The following FYTTD1 variants were observed in gnomAD, a reference collection of about 807,000 sequenced individuals.
FYTTD1 encodes the protein forty-two-three domain containing 1, also known as UAP56-interacting factor.
In FYTTD1, 22 loss-of-function variants were observed where a neutral mutation model predicts 40.9. That is an observed-to-expected ratio of 0.54 (90% CI 0.38 to 0.77). The LOEUF (loss-of-function observed/expected upper bound fraction) is 0.77. FYTTD1 is among the 30% of genes least tolerant of loss of function. FYTTD1 has a pLI of 0.00. For synonymous variants in FYTTD1, 140 were observed against 137.9 expected (o/e 1.01, Z -0.10); for missense variants, 351 against 392.2 (o/e 0.90, Z 0.89).
chr3:197,750,355 G>C, intron 1 of FYTTD1: 1 of 1,130,966 alleles, frequency 8.8e-7, no homozygotes. Flanking sequence ...AGGTTCGCAG[G>C]GTCGCGGGGG....
At chr3:197,776,115 G>A (rs1729865749) in intron 6 of FYTTD1, among the ~76,000 whole-genome samples, 1 of 152,048 alleles carries the variant, frequency 6.6e-6, no homozygotes, top group South Asian at 2.1e-4. Context: ...ACAAAGGCCT[G>A]GAAATAGTGA....
intron 3 of FYTTD1, among the ~76,000 whole-genome samples, chr3:197,769,828 G>T (rs1233083232): frequency 1.3e-5 from 2 of 151,844 alleles, no homozygotes; most frequent in African/African-American, 2.4e-5. Flanking sequence ...ATCACCTGTG[G>T]GTCCCCTGAG....
chr3:197,761,601 T>G (rs139022820), intron 2 of FYTTD1, among the ~76,000 whole-genome samples: 2,229 of 151,540 alleles, frequency 0.015, 48 homozygotes, highest in East Asian at 0.058. Flanking sequence ...TTCTTCAGTG[T>G]TAGAATGTAT....
At chr3:197,760,480 A>AGTTCTTCAGGGGTAGAATGTATAGAGTT (rs1378699588) in intron 2 of FYTTD1, among the ~76,000 whole-genome samples, 23 of 146,538 alleles carry the variant, frequency 1.6e-4, no homozygotes, top group African/African-American at 5.1e-4. Context: ...GAATGTATAG[A>AGTTCTTCAGGGGTAGAATGTATAGAGTT]GTTCTTCAGG....
chr3:197,763,624 A>C (rs547542688), intron 2 of FYTTD1: 1 of 373,912 alleles, frequency 2.7e-6, no homozygotes, highest in Non-Finnish European at 5.2e-6. Context: ...AAAAAAAAAG[A>C]AAGAGTATAA....
At chr3:197,780,041 C>CCACCACACCTGGGGATGCAGGCACACA (rs1729985980) in intron 8 of FYTTD1, among the ~76,000 whole-genome samples, 1 of 142,576 alleles carries the variant, frequency 7.0e-6, no homozygotes, top group Non-Finnish European at 1.5e-5. Context: ...CAGGCACACA[C>CCACCACACCTGGGGATGCAGGCACACA]CACCACACCT....
chr3:197,750,375 C>T (rs1433928602), intron 1 of FYTTD1: 5 of 1,108,124 alleles, frequency 4.5e-6, no homozygotes, highest in East Asian at 1.0e-4. Flanking sequence ...GGCGTCTCTT[C>T]TCCCCGGAGG....
intron 1 of FYTTD1, chr3:197,750,635 C>T (rs1580438667): frequency 2.0e-6 from 2 of 985,184 alleles, no homozygotes; most frequent in Non-Finnish European, 2.4e-6. Flanking sequence ...TCGGGGCCAC[C>T]TCCGGCCGCG....
chr3:197,755,239 A>G (rs1447933189), intron 1 of FYTTD1, among the ~76,000 whole-genome samples: 1 of 152,108 alleles, frequency 6.6e-6, no homozygotes, highest in East Asian at 1.9e-4. Flanking sequence ...TGTATTTGCT[A>G]TTTGCATGTC....
chr3:197,754,967 T>C (rs544212143), intron 1 of FYTTD1, among the ~76,000 whole-genome samples: 2 of 152,242 alleles, frequency 1.3e-5, no homozygotes, highest in Non-Finnish European at 2.9e-5. Context: ...GGATATTTCT[T>C]AAATGAGTAT....
rs1159003832 is a variant in FYTTD1 at position 197,764,684 on chromosome 3, G to A, written c.236-3755G>A. ...AGATCGCGCCGCTACACTCCAGCCC[G>A]GGTGACAGAGCGAGAGTCCGTCCCA... On this transcript the variant is annotated intron_variant, in intron 2 of 8. Transcript: ENST00000241502. Among the ~76,000 whole-genome samples, 6 of 141,278 alleles carry A rather than the reference G, an allele frequency of 4.2e-5. No homozygotes were observed. In the East Asian group the frequency reaches 1.3e-3, roughly 31 times the overall value. The allele number at this position is 141,278 out of a possible 152,430, so 92.7% of individuals were successfully genotyped here. A position where few individuals can be genotyped will look rare whatever the true frequency, so the allele number is the denominator to read the frequency against.
At chr3:197,753,497 G>T (rs182817499) in intron 1 of FYTTD1, among the ~76,000 whole-genome samples, 1 of 151,588 alleles carries the variant, frequency 6.6e-6, no homozygotes, top group Admixed American at 6.6e-5. Flanking sequence ...CTAGTGCTAT[G>T]GAAGAAACTT....
At chr3:197,762,942 C>G (rs953176784) in intron 2 of FYTTD1, among the ~76,000 whole-genome samples, 1 of 152,050 alleles carries the variant, frequency 6.6e-6, no homozygotes. Context: ...ATCTGTACAG[C>G]AAACCCCCGT....
chr3:197,774,787 A>G (rs1017321249), intron 6 of FYTTD1, among the ~76,000 whole-genome samples: 1 of 150,650 alleles, frequency 6.6e-6, no homozygotes, highest in Non-Finnish European at 1.5e-5. Context: ...AGTGCACACC[A>G]TCCTGAGCAG....
At position 197,783,936 on chromosome 3, in the gene FYTTD1, ATTTAAT is replaced by A. The variant is rs1307548737; in HGVS notation, c.*2033_*2038del. On this transcript the variant is annotated 3_prime_UTR_variant, in exon 9 of 9. Transcript: ENST00000241502. Reference sequence around the variant, plus strand: ...AACTTTTATTCTTCATGCATCTGTAATTTAATTTTAAGTATAATGTTTTGCCTTTGG... The same window carrying A: ...AACTTTTATTCTTCATGCATCTGTAATTTAAGTATAATGTTTTGCCTTTGG... 2.6e-5 allele frequency: 4 copies of A among 152,552 alleles called. No individual in the cohort carries two copies. Among genetic ancestry groups the A allele is most frequent in the Admixed American group, 6.5e-5 (1 of 15,268 alleles). The allele number at this position is 152,552 out of a possible 1,614,324, so 9.4% of individuals were successfully genotyped here.
intron 1 of FYTTD1, among the ~76,000 whole-genome samples, chr3:197,752,194 C>T (rs1436713737): frequency 6.6e-6 from 1 of 152,206 alleles, no homozygotes; most frequent in Admixed American, 6.5e-5. Flanking sequence ...AGTTTATCCT[C>T]ATGATAAGTC....
chr3:197,766,319 T>C (rs1216520212), intron 2 of FYTTD1, among the ~76,000 whole-genome samples: 1 of 152,086 alleles, frequency 6.6e-6, no homozygotes, highest in African/African-American at 2.4e-5. Flanking sequence ...AAATGATTAG[T>C]ATAAAGTTGG....
chr3:197,753,820 A>G (rs192254572), intron 1 of FYTTD1, among the ~76,000 whole-genome samples: 12 of 152,202 alleles, frequency 7.9e-5, no homozygotes, highest in Admixed American at 1.3e-4. Context: ...CAGTGGCACG[A>G]TCTCGGCTTC....
At chr3:197,781,671 A>T (rs1185275330) in intron 8 of FYTTD1, 140 bp from the exon 9 acceptor site, 10 of 596,014 alleles carry the variant, frequency 1.7e-5, no homozygotes, top group South Asian at 1.6e-4. Flanking sequence ...GAGGTCATAC[A>T]TGTAAATATT....
Sources: allele counts gnomAD v4.1 joint callset (sites outside exome capture counted in the v4.1 genomes callset), GRCh38; gene constraint gnomAD v4.1.1; transcripts MANE v1.5; gene names NCBI Gene and HGNC (gene_info 2026-07-23, HGNC 2026-07-21).